PDE1C: variants seen among roughly 807,000 people sequenced by gnomAD.
The protein encoded by PDE1C is phosphodiesterase 1C.
A neutral mutation model predicts 93.1 loss-of-function variants in PDE1C; 62 were observed. The ratio of observed to expected loss-of-function variants is 0.67; its 90% CI spans 0.54 to 0.82. The LOEUF is 0.82. Among genes scored for constraint, PDE1C ranks in the 40% least tolerant of loss-of-function variants. The pLI is 0.00. For synonymous variants in PDE1C, 325 were observed against 310.1 expected, an observed-to-expected ratio of 1.05 and a Z score of -0.50; for missense variants, 742 against 884.6, an observed-to-expected ratio of 0.84 and a Z score of 2.04.
chr7:31,628,267 C>T, the PDE1C span, among the ~76,000 whole-genome samples: 15 of 152,202 alleles, frequency 9.9e-5, no homozygotes, highest in Admixed American at 7.2e-4. Flanking sequence ...AAGAGAAAGC[C>T]TGGAGCACAG....
chr7:31,753,698 T>C (rs1794258658), intron 17 of PDE1C, 145 bp from the exon 18 acceptor site: 4 of 1,228,118 alleles, frequency 3.3e-6, no homozygotes, highest in Non-Finnish European at 4.4e-6. Flanking sequence ...CTGGAAACCT[T>C]ATGGCAGATA....
intron 11 of PDE1C, among the ~76,000 whole-genome samples, chr7:31,834,804 T>C (rs1426729002): frequency 1.3e-5 from 2 of 151,982 alleles, no homozygotes; most frequent in Non-Finnish European, 2.9e-5. Context: ...TGGGGGACTG[T>C]TGGGAAGGTA....
chr7:32,077,993 G>A lies in PDE1C; in HGVS notation c.308+91792C>T, dbSNP rs372708921. 78 of 985,312 alleles carry A rather than the reference G, an allele frequency of 7.9e-5. No homozygotes were observed. The East Asian group carries it at 2.0e-3, about 26-fold the overall frequency. The allele number at this position is 985,312 out of a possible 1,614,324, so 61.0% of individuals were successfully genotyped here. A position where few individuals can be genotyped will look rare whatever the true frequency, so the allele number is the denominator to read the frequency against. The stretch of plus-strand genomic sequence containing the variant: ...TGCAGGCCTCCTGACTTCTGGCTCC[G>A]TGGACATTCTGCCTCTCAGAATACA... On this transcript the variant is annotated intron_variant, in intron 3 of 18. Coordinates refer to the PDE1C transcript ENST00000396193.
At chr7:32,077,296 G>T (rs1400095638) in intron 3 of PDE1C, among the ~76,000 whole-genome samples, 4 of 152,102 alleles carry the variant, frequency 2.6e-5, no homozygotes, top group Non-Finnish European at 5.9e-5. Flanking sequence ...TACATTGGAG[G>T]TTCTCATAAA....
intron 1 of PDE1C, among the ~76,000 whole-genome samples, chr7:32,220,864 T>G (rs1806805053): frequency 6.6e-6 from 1 of 152,042 alleles, no homozygotes; most frequent in African/African-American, 2.4e-5. Context: ...ATTCCACATA[T>G]CATGCATGGA....
chr7:31,724,124 G>A, the PDE1C span, among the ~76,000 whole-genome samples: 1 of 152,172 alleles, frequency 6.6e-6, no homozygotes, highest in South Asian at 2.1e-4. Flanking sequence ...CTGCCTCAGT[G>A]CTGTTATCCT....
chr7:32,126,242 T>TAGAC (rs1213308526), intron 3 of PDE1C, among the ~76,000 whole-genome samples: 7 of 149,816 alleles, frequency 4.7e-5, no homozygotes, highest in Non-Finnish European at 7.4e-5. Flanking sequence ...GATAGATAGA[T>TAGAC]AGATTCATTT....
chr7:32,112,846 G>GTGTGTGTA (rs1449055562), intron 3 of PDE1C, among the ~76,000 whole-genome samples: 2 of 59,172 alleles, frequency 3.4e-5, no homozygotes, highest in South Asian at 5.2e-4. Context: ...GTGTGTGTGT[G>GTGTGTGTA]TATATATATA....
At chr7:31,817,557 C>A (rs1432411441) in intron 14 of PDE1C, among the ~76,000 whole-genome samples, 1 of 152,172 alleles carries the variant, frequency 6.6e-6, no homozygotes, top group African/African-American at 2.4e-5. Flanking sequence ...TCCCATGCAG[C>A]GCTTAATTCA....
chr7:31,716,051 CATT>C, the PDE1C span, among the ~76,000 whole-genome samples: 1 of 152,158 alleles, frequency 6.6e-6, no homozygotes, highest in African/African-American at 2.4e-5. Context: ...CTGCGTGCCT[CATT>C]GTTGTTATCC....
downstream of PDE1C, among the ~76,000 whole-genome samples, chr7:31,747,335 C>G (rs1794027787): frequency 6.6e-6 from 1 of 152,156 alleles, no homozygotes; most frequent in Non-Finnish European, 1.5e-5. Context: ...ACAATAAGGA[C>G]AGTAAGTCTT....
chr7:31,909,739 C>A (rs1801002627), intron 2 of PDE1C, among the ~76,000 whole-genome samples: 1 of 152,130 alleles, frequency 6.6e-6, no homozygotes, highest in South Asian at 2.1e-4. Context: ...TCACCATGTT[C>A]ATTTTTCAGA....
chr7:32,006,695 C>T (rs1164863081), intron 2 of PDE1C, among the ~76,000 whole-genome samples: 1 of 152,218 alleles, frequency 6.6e-6, no homozygotes, highest in African/African-American at 2.4e-5. Context: ...ATTCCATAAA[C>T]AGGCAAGCTG....
intron 1 of PDE1C, among the ~76,000 whole-genome samples, chr7:32,253,187 C>G (rs1809517963): frequency 6.6e-6 from 1 of 152,164 alleles, no homozygotes; most frequent in Non-Finnish European, 1.5e-5. Context: ...TAGGCATCAA[C>G]ATCTATTATA....
chr7:31,962,073 A>G (rs61126594), intron 2 of PDE1C, among the ~76,000 whole-genome samples: 6,419 of 152,296 alleles, frequency 0.042, 143 homozygotes, highest in South Asian at 0.089. Context: ...TTTCATAACT[A>G]AAAATAAAAC....
intron 1 of PDE1C, among the ~76,000 whole-genome samples, chr7:32,405,425 A>C (rs1310446981): frequency 6.6e-6 from 1 of 151,754 alleles, no homozygotes; most frequent in Non-Finnish European, 1.5e-5. Flanking sequence ...CTAATTTTGT[A>C]TTTTTAGTAG....
At chr7:32,335,863 G>A (rs968228966) in intron 1 of PDE1C, among the ~76,000 whole-genome samples, 1 of 151,922 alleles carries the variant, frequency 6.6e-6, no homozygotes, top group Non-Finnish European at 1.5e-5. Context: ...CAAGTATCTG[G>A]GTCCATAGGC....
intron 1 of PDE1C, among the ~76,000 whole-genome samples, chr7:32,060,740 C>T (rs1158338475): frequency 6.6e-6 from 1 of 151,826 alleles, no homozygotes; most frequent in Non-Finnish European, 1.5e-5. Flanking sequence ...TGACTAATTT[C>T]AGTCAGTGAT....
intron 1 of PDE1C, among the ~76,000 whole-genome samples, chr7:32,374,086 G>GGGA (rs1784377355): frequency 2.3e-4 from 1 of 4,338 alleles, no homozygotes; most frequent in East Asian, 0.011. Context: ...GGAGGGAGGA[G>GGGA]GGAGGGAGGG....
Sources: allele counts gnomAD v4.1 joint callset (sites outside exome capture counted in the v4.1 genomes callset), GRCh38; gene constraint gnomAD v4.1.1; transcripts MANE v1.5; gene names NCBI Gene and HGNC (gene_info 2026-07-23, HGNC 2026-07-21).